The following XYLT1 variants were observed in gnomAD, a reference collection of about 807,000 sequenced individuals.
XYLT1 encodes beta-D-xylosyltransferase 1.
XYLT1 carries 36 observed loss-of-function variants against 91.3 expected under a neutral mutation model. The ratio of observed to expected loss-of-function variants is 0.39; its 90% confidence interval spans 0.30 to 0.52. The LOEUF (loss-of-function observed/expected upper bound fraction) is 0.52. Ranked by LOEUF, XYLT1 falls within the 20% of genes least tolerant of loss-of-function variation. XYLT1 has a pLI of 0.68. For missense variants in XYLT1, 1,242 were observed against 1,284.5 expected, an observed-to-expected ratio of 0.97 and a Z score of 0.51; for synonymous variants, 588 against 532.0, an observed-to-expected ratio of 1.11 and a Z score of -1.45.
intron 2 of XYLT1, among the ~76,000 whole-genome samples, chr16:17,300,452 CTTTTTTTTTTT>C (rs67480834): frequency 7.7e-5 from 5 of 64,842 alleles, no homozygotes; most frequent in Non-Finnish European, 1.3e-4. Flanking sequence ...TTCATTCTTT[CTTTTTTTTTTT>C]TTTTTTTTTT....
intron 3 of XYLT1, among the ~76,000 whole-genome samples, chr16:17,212,029 G>A (rs1224763461): frequency 6.6e-6 from 1 of 152,200 alleles, no homozygotes; most frequent in East Asian, 1.9e-4. Context: ...ATAGGGCGTG[G>A]AGAGGCAAAA....
chr16:17,409,070 T>C (rs922781600), intron 1 of XYLT1, among the ~76,000 whole-genome samples: 1 of 151,500 alleles, frequency 6.6e-6, no homozygotes, highest in African/African-American at 2.4e-5. Context: ...GGAAAAAAGA[T>C]GCAAATTACA....
At chr16:17,125,524 A>C (rs2030229992) in intron 10 of XYLT1, among the ~76,000 whole-genome samples, 1 of 151,926 alleles carries the variant, frequency 6.6e-6, no homozygotes, top group South Asian at 2.1e-4. Flanking sequence ...CCCAGTGCCT[A>C]AGGGCCTTTG....
At position 17,262,214 on chromosome 16, in the gene XYLT1, C is replaced by T. The variant is rs534645005; in HGVS notation, c.403-2716G>A. On this transcript the variant is annotated intron_variant, in intron 2 of 11. Transcript: ENST00000261381. Reference sequence around the variant, plus strand: ...GTGATACATTCTTCACTATGGATCACGTGCTAGGTGCCATGCTAAGCCCTT... The same window carrying T: ...GTGATACATTCTTCACTATGGATCATGTGCTAGGTGCCATGCTAAGCCCTT... Among the ~76,000 whole-genome samples, 6 of 152,258 alleles carry T rather than the reference C, an allele frequency of 3.9e-5. No individual in the cohort carries two copies. In the South Asian group the frequency reaches 6.2e-4, roughly 16 times the overall value.
chr16:17,211,085 G>A (rs1051634637), intron 3 of XYLT1, among the ~76,000 whole-genome samples: 8 of 152,158 alleles, frequency 5.3e-5, no homozygotes, highest in Admixed American at 2.0e-4. Flanking sequence ...AATAAAATGT[G>A]CTTACATAAA....
At chr16:17,243,118 C>T (rs1000324728) in intron 3 of XYLT1, among the ~76,000 whole-genome samples, 1 of 152,180 alleles carries the variant, frequency 6.6e-6, no homozygotes, top group African/African-American at 2.4e-5. Context: ...TTCAATTCTT[C>T]TAGGTACACA....
intron 1 of XYLT1, among the ~76,000 whole-genome samples, chr16:17,376,475 C>G (rs1271858459): frequency 1.3e-5 from 2 of 152,198 alleles, no homozygotes; most frequent in Non-Finnish European, 2.9e-5. Context: ...GTCTCTTTTG[C>G]TCACAGCTGC....
At chr16:17,311,064 G>T (rs1343225837) in intron 2 of XYLT1, among the ~76,000 whole-genome samples, 6 of 152,176 alleles carry the variant, frequency 3.9e-5, no homozygotes, top group African/African-American at 1.2e-4. Context: ...ACTTGATGAA[G>T]ATGGGGCTCC....
chr16:17,288,781 A>G (rs932493717), intron 2 of XYLT1, among the ~76,000 whole-genome samples: 2 of 152,168 alleles, frequency 1.3e-5, no homozygotes, highest in African/African-American at 4.8e-5. Context: ...GAGGCAGCCA[A>G]TCTCCAGACA....
intron 1 of XYLT1, among the ~76,000 whole-genome samples, chr16:17,382,177 G>C (rs901101476): frequency 6.6e-6 from 1 of 151,918 alleles, no homozygotes; most frequent in Non-Finnish European, 1.5e-5. Flanking sequence ...GCTGCAAGAA[G>C]GGGCAAATGG....
intron 3 of XYLT1, among the ~76,000 whole-genome samples, chr16:17,241,947 C>G (rs2033351177): frequency 6.6e-6 from 1 of 152,148 alleles, no homozygotes; most frequent in Admixed American, 6.5e-5. Context: ...GGGAAGACCT[C>G]ACAAGTATGG....
intron 5 of XYLT1, among the ~76,000 whole-genome samples, chr16:17,194,616 A>G (rs2032388442): frequency 6.6e-6 from 1 of 152,174 alleles, no homozygotes; most frequent in Admixed American, 6.5e-5. Flanking sequence ...CCCCGCCACA[A>G]GCTCATGGGG....
In XYLT1 at chr16:17,382,095, T is replaced by C. The variant is rs115937282; in HGVS notation, c.364-24045A>G. ...GCCGTGCCCCCTCCCTCAATTGTCATTGGACACCCACTATGTGCTGGGCAC... is the reference window on the plus strand; with the variant it reads ...GCCGTGCCCCCTCCCTCAATTGTCACTGGACACCCACTATGTGCTGGGCAC... On this transcript the variant is annotated intron_variant, in intron 1 of 11. Coordinates refer to ENST00000261381, the MANE Select transcript of XYLT1 (RefSeq NM_022166.4). Among the ~76,000 whole-genome samples the C allele has an allele frequency of 6.2e-4, 94 of 151,974 alleles. 1 individual carries two copies. Among genetic ancestry groups the C allele is most frequent in the African/African-American group, 2.1e-3 (89 of 41,558 alleles).
At chr16:17,138,241 G>T in intron 8 of XYLT1, 114 bp downstream of exon 8, 1 of 1,242,146 alleles carries the variant, frequency 8.1e-7, no homozygotes. Flanking sequence ...ATTATCAACA[G>T]CCAGGTTTGG....
intron 3 of XYLT1, among the ~76,000 whole-genome samples, chr16:17,235,075 A>G (rs2311140): frequency 0.81 from 123,098 of 151,738 alleles, 50,674 homozygotes; most frequent in African/African-American, 0.93. Context: ...AAAAAAAAGT[A>G]GAGTCATCTT....
intron 1 of XYLT1, among the ~76,000 whole-genome samples, chr16:17,465,447 TAAC>T (rs2036881032): frequency 6.6e-6 from 1 of 151,260 alleles, no homozygotes; most frequent in South Asian, 2.1e-4. Flanking sequence ...TCCTGCCACA[TAAC>T]AAGCCATCAT....
At chr16:17,278,217 T>G (rs746186311) in intron 2 of XYLT1, among the ~76,000 whole-genome samples, 1 of 152,130 alleles carries the variant, frequency 6.6e-6, no homozygotes, top group Non-Finnish European at 1.5e-5. Flanking sequence ...CTCCCTTTAG[T>G]CCTCAAAGGA....
intron 2 of XYLT1, chr16:17,338,238 A>T (rs2035014970): frequency 2.2e-6 from 1 of 456,434 alleles, no homozygotes; most frequent in Non-Finnish European, 4.4e-6. Flanking sequence ...AGCCAGAGTG[A>T]TCATCTCAAA....
chr16:17,468,489 C>T (rs2036930258), intron 1 of XYLT1, among the ~76,000 whole-genome samples: 1 of 152,156 alleles, frequency 6.6e-6, no homozygotes, highest in Non-Finnish European at 1.5e-5. Flanking sequence ...AAGCAAAGCA[C>T]CTCCGCTGCT....
Sources: allele counts gnomAD v4.1 joint callset (sites outside exome capture counted in the v4.1 genomes callset), GRCh38; gene constraint gnomAD v4.1.1; transcripts MANE v1.5; gene names NCBI Gene and HGNC (gene_info 2026-07-23, HGNC 2026-07-21).